TMCO1: variants seen among roughly 807,000 people sequenced by gnomAD.
TMCO1 encodes the protein transmembrane and coiled-coil domains 1, also known as calcium load-activated calcium channel.
In TMCO1, 29 loss-of-function variants were observed where a neutral mutation model predicts 29.3. That is an observed-to-expected ratio of 0.99 (90% CI 0.74 to 1.35). The LOEUF is 1.35. Among genes scored for constraint, TMCO1 ranks in the 40% most tolerant of loss-of-function variants. The pLI is 0.00. For missense variants in TMCO1, 173 were observed against 225.5 expected (o/e 0.77, Z 1.49); for synonymous variants, 80 against 77.1 (o/e 1.04, Z -0.20).
downstream of TMCO1, chr1:165,724,737 A>T (rs1455935541): frequency 6.6e-6 from 3 of 453,440 alleles, no homozygotes; most frequent in Non-Finnish European, 1.3e-5. Context: ...AAAAAACTGC[A>T]AAAATTTTTG....
intron 2 of TMCO1, among the ~76,000 whole-genome samples, chr1:165,763,135 C>G (rs1291073119): frequency 1.3e-5 from 2 of 152,192 alleles, no homozygotes; most frequent in South Asian, 2.1e-4. Flanking sequence ...AATTCTGATT[C>G]AAACCTCTTT....
At chr1:165,758,176 C>CAA (rs1487778877) in intron 3 of TMCO1, among the ~76,000 whole-genome samples, 4 of 152,146 alleles carry the variant, frequency 2.6e-5, no homozygotes, top group African/African-American at 9.7e-5. Context: ...ACTCTCCTCT[C>CAA]AACTTCTGTG....
chr1:165,749,308 A>G lies in TMCO1; in HGVS notation c.323+2794T>C, dbSNP rs530455989. On this transcript the variant is annotated intron_variant, in intron 5 of 6. Transcript: ENST00000367881. Reference sequence around the variant, plus strand: ...CTCCATATATGATTTTTTCCCCCGTATATGATTCTGATGCACATTCCTGGT... The same window carrying G: ...CTCCATATATGATTTTTTCCCCCGTGTATGATTCTGATGCACATTCCTGGT... Among the ~76,000 whole-genome samples, 112 of 151,982 alleles carry G rather than the reference A, an allele frequency of 7.4e-4. 1 individual carries two copies. Among genetic ancestry groups the G allele is most frequent in the Admixed American group, 2.7e-3 (41 of 15,268 alleles).
At chr1:165,760,007 A>C (rs1429905109) in intron 2 of TMCO1, among the ~76,000 whole-genome samples, 1 of 152,216 alleles carries the variant, frequency 6.6e-6, no homozygotes. Context: ...AACTCTAAGC[A>C]GATGAAAAAA....
chr1:165,734,168 T>C (rs1383793860), intron 6 of TMCO1, among the ~76,000 whole-genome samples: 3 of 152,206 alleles, frequency 2.0e-5, no homozygotes, highest in Non-Finnish European at 4.4e-5. Flanking sequence ...TAAAATCTAA[T>C]CACTTCAAAA....
At chr1:165,746,509 G>C (rs1425911574) in intron 5 of TMCO1, among the ~76,000 whole-genome samples, 1 of 140,038 alleles carries the variant, frequency 7.1e-6, no homozygotes, top group Non-Finnish European at 1.5e-5. Flanking sequence ...ATTTTATATT[G>C]ATGAACTGCA....
At chr1:165,756,148 C>G (rs913891293) in intron 3 of TMCO1, among the ~76,000 whole-genome samples, 1 of 151,806 alleles carries the variant, frequency 6.6e-6, no homozygotes, top group Non-Finnish European at 1.5e-5. Context: ...TCATTTTTCA[C>G]AAGTATCTCA....
intron 5 of TMCO1, among the ~76,000 whole-genome samples, chr1:165,750,731 G>T (rs1158515291): frequency 6.6e-6 from 1 of 152,064 alleles, no homozygotes; most frequent in Non-Finnish European, 1.5e-5. Flanking sequence ...TTTATATTCA[G>T]CCTGGGCAAC....
intron 1 of TMCO1, 21 bp from the exon 2 acceptor site, chr1:165,768,290 T>A: frequency 6.2e-7 from 1 of 1,603,590 alleles, no homozygotes; most frequent in Non-Finnish European, 8.5e-7. Flanking sequence ...AAAAGCAACA[T>A]GTTAATAGAG....
At position 165,754,237 on chromosome 1, in the gene TMCO1, A is replaced by G. The variant is rs764402147; in HGVS notation, c.246T>C (p.Asp82=). Residue 82 remains aspartate, a synonymous_variant, in exon 4 of 7, where the codon GAT becomes GAC. Transcript: ENST00000367881. The part of the protein sequence containing the change: ...QEEKLKNNNR[D]LSMVRMKSMF... Reference sequence around the variant, plus strand: ...TAGTTAGGTCTCTTACCATTGATAGATCTCTGTTGTTATTCTTCAGTTTCT... The same window carrying G: ...TAGTTAGGTCTCTTACCATTGATAGGTCTCTGTTGTTATTCTTCAGTTTCT... 6.2e-7 allele frequency: 1 copy of G among 1,611,036 alleles called. No homozygotes were observed. The highest frequency in any genetic ancestry group is 8.5e-7 in the Non-Finnish European group (1 of 1,177,522).
At chr1:165,765,409 A>C (rs908477210) in intron 2 of TMCO1, among the ~76,000 whole-genome samples, 2 of 152,166 alleles carry the variant, frequency 1.3e-5, no homozygotes, top group African/African-American at 4.8e-5. Context: ...TCAGCCTCCC[A>C]GGTAGCTGGG....
chr1:165,761,524 C>A (rs1013286847), intron 2 of TMCO1, among the ~76,000 whole-genome samples: 8 of 151,210 alleles, frequency 5.3e-5, no homozygotes, highest in Non-Finnish European at 1.2e-4. Flanking sequence ...GAGAGCGAGA[C>A]CCTGTCGCCA....
intron 6 of TMCO1, among the ~76,000 whole-genome samples, chr1:165,730,750 T>C (rs1359548491): frequency 3.3e-5 from 5 of 151,692 alleles, no homozygotes; most frequent in Admixed American, 1.3e-4. Flanking sequence ...CATGCCACCA[T>C]GCCCAGCTAA....
downstream of TMCO1, chr1:165,725,012 CTCTCTCTCTCTCTATA>C (rs750552889): frequency 8.9e-3 from 2,174 of 243,326 alleles, 58 homozygotes; most frequent in African/African-American, 0.079. Context: ...CTCTCTCTCT[CTCTCTCTCTCTCTATA>C]TATATATATA....
chr1:165,752,263 T>G (rs1480924894), intron 4 of TMCO1, 94 bp from the exon 5 acceptor site: 19 of 1,005,036 alleles, frequency 1.9e-5, no homozygotes, highest in Non-Finnish European at 2.6e-5. Context: ...TTTTTTTTTT[T>G]TTTTTTTTTG....
At chr1:165,757,741 A>G (rs959087282) in intron 3 of TMCO1, among the ~76,000 whole-genome samples, 1 of 152,154 alleles carries the variant, frequency 6.6e-6, no homozygotes, top group Non-Finnish European at 1.5e-5. Flanking sequence ...CAGGTGACCC[A>G]CCCGTCTTGG....
chr1:165,730,165 C>CAAAAAAA (rs572104283), intron 6 of TMCO1, among the ~76,000 whole-genome samples: 1 of 103,152 alleles, frequency 9.7e-6, no homozygotes, highest in Non-Finnish European at 2.0e-5. Flanking sequence ...ACTAAAAATA[C>CAAAAAAA]ACACACACAA....
intron 6 of TMCO1, among the ~76,000 whole-genome samples, chr1:165,728,507 C>T (rs763031102): frequency 1.1e-4 from 16 of 151,982 alleles, no homozygotes; most frequent in South Asian, 2.1e-4. Context: ...CTGCCCACCT[C>T]GGCCTCCCAA....
chr1:165,755,346 A>C (rs549616149), intron 3 of TMCO1, among the ~76,000 whole-genome samples: 7 of 152,148 alleles, frequency 4.6e-5, no homozygotes, highest in Non-Finnish European at 1.0e-4. Context: ...CCCCAAATAT[A>C]TTAAATTTCA....
Sources: gnomAD v4.1 joint callset for allele counts (sites outside exome capture counted in the v4.1 genomes callset) on GRCh38, gnomAD v4.1.1 for gene constraint, MANE v1.5 for transcripts, NCBI Gene and HGNC (gene_info 2026-07-23, HGNC 2026-07-21) for gene names.